LRBA: variants seen among roughly 807,000 people sequenced by gnomAD.
LRBA encodes lipopolysaccharide-responsive and beige-like anchor protein.
In LRBA, 176 loss-of-function variants were observed where a neutral mutation model predicts 330.0. The ratio of observed to expected loss-of-function variants is 0.53; its 90% CI spans 0.47 to 0.60. The LOEUF (loss-of-function observed/expected upper bound fraction) is 0.60. Among genes scored for constraint, LRBA ranks in the 20% least tolerant of loss-of-function variants. The probability of loss-of-function intolerance (pLI) is 0.00; values close to 1 mark genes in which losing one functional copy is unlikely to be tolerated. For missense variants in LRBA, 3,259 were observed against 3,444.8 expected (o/e 0.95, Z 1.35); for synonymous variants, 1,230 against 1,193.0 (o/e 1.03, Z -0.64).
At chr4:150,357,389 G>A (rs1446695273) in intron 47 of LRBA, among the ~76,000 whole-genome samples, 2 of 151,902 alleles carry the variant, frequency 1.3e-5, no homozygotes, top group East Asian at 3.8e-4. Flanking sequence ...CTCAACTGAA[G>A]TCTGTATTGC....
At chr4:150,448,458 T>C (rs1752881384) in intron 44 of LRBA, among the ~76,000 whole-genome samples, 1 of 152,108 alleles carries the variant, frequency 6.6e-6, no homozygotes. Context: ...TGGTACAAAC[T>C]GCTATAATTT....
At position 150,573,483 on chromosome 4, in the gene LRBA, A is replaced by G. The variant is rs571227622; in HGVS notation, c.6330+14565T>C. Among the ~76,000 whole-genome samples the G allele has an allele frequency of 5.9e-5, 9 of 152,316 alleles. No homozygotes were observed. In the East Asian group the frequency reaches 1.5e-3, roughly 26 times the overall value. On this transcript the variant is annotated intron_variant, in intron 40 of 56. Coordinates refer to ENST00000651943, the MANE Select transcript of LRBA (RefSeq NM_001364905.1). ...TGACCATAACACAGAAGTAAAAATA[A>G]CAATGCCCATTTAAGACCTATTTTA...
Position 150,686,920 on chromosome 4 carries a change from G to A in LRBA, c.5755-3203C>T, listed in dbSNP as rs145454784. 7.0e-3 allele frequency among the ~76,000 whole-genome samples: 1,061 copies of A among 152,116 alleles called. 6 individuals are homozygous for A. The highest frequency in any genetic ancestry group is 0.024 in the African/African-American group (997 of 41,536). ...CATAATTCTAAAAACAAGGGCTCAA[G>A]GTAAGCTAAACGGTAAAATGGTTTA... is the stretch of plus-strand genomic sequence containing the variant. On this transcript the variant is annotated intron_variant, in intron 36 of 56. Coordinates refer to ENST00000651943, the MANE Select transcript of LRBA (RefSeq NM_001364905.1).
chr4:150,588,019 G>GA (rs1772333971), intron 40 of LRBA, 29 bp downstream of exon 40: 7 of 1,602,584 alleles, frequency 4.4e-6, no homozygotes, highest in South Asian at 1.1e-5. Context: ...CCCATCATAA[G>GA]AAAAAATGAA....
At chr4:150,964,647 C>T (rs1032460008) in intron 2 of LRBA, among the ~76,000 whole-genome samples, 6 of 151,350 alleles carry the variant, frequency 4.0e-5, no homozygotes, top group Non-Finnish European at 7.4e-5. Flanking sequence ...GAGTCATCAC[C>T]ACTCCCTAAT....
chr4:150,972,910 G>A (rs184697908), intron 2 of LRBA, among the ~76,000 whole-genome samples: 52 of 152,254 alleles, frequency 3.4e-4, no homozygotes, highest in Admixed American at 9.2e-4. Flanking sequence ...TAAATTAATA[G>A]TCAGATCAAG....
intron 47 of LRBA, among the ~76,000 whole-genome samples, chr4:150,360,880 G>C (rs2151841899): frequency 1.3e-5 from 2 of 152,270 alleles, no homozygotes; most frequent in East Asian, 1.9e-4. Context: ...CTGAAAGACG[G>C]CATTATGACT....
chr4:150,894,868 A>G (rs1010325730), intron 16 of LRBA, among the ~76,000 whole-genome samples: 1 of 152,198 alleles, frequency 6.6e-6, no homozygotes, highest in African/African-American at 2.4e-5. Flanking sequence ...TTCAAATATT[A>G]TATTTGGTCA....
chr4:150,790,990 TA>T (rs1352895415), intron 34 of LRBA, among the ~76,000 whole-genome samples: 2 of 152,238 alleles, frequency 1.3e-5, no homozygotes, highest in East Asian at 3.9e-4. Flanking sequence ...ACTAATTTTT[TA>T]TAAGTACGTT....
chr4:150,953,951 G>C (rs1243954981), intron 2 of LRBA, among the ~76,000 whole-genome samples: 13 of 32,850 alleles, frequency 4.0e-4, no homozygotes, highest in East Asian at 1.2e-3. Flanking sequence ...CTTCTGGGAT[G>C]TGGGGAGCGC....
chr4:150,633,241 A>AACT (rs748950107), intron 37 of LRBA, among the ~76,000 whole-genome samples: 6 of 152,252 alleles, frequency 3.9e-5, no homozygotes, highest in African/African-American at 2.4e-5. Flanking sequence ...TAACAATAAA[A>AACT]AGAGAACCTA....
intron 34 of LRBA, among the ~76,000 whole-genome samples, chr4:150,793,813 T>A (rs1458408120): frequency 1.3e-5 from 2 of 152,318 alleles, no homozygotes; most frequent in Middle Eastern, 3.4e-3. Flanking sequence ...AGCTAACTGA[T>A]TCATTTTTTC....
At chr4:150,634,840 A>ACT (rs1777727316) in intron 37 of LRBA, among the ~76,000 whole-genome samples, 1 of 152,180 alleles carries the variant, frequency 6.6e-6, no homozygotes, top group East Asian at 1.9e-4. Context: ...AGGGACTTAA[A>ACT]ACAGAAGCCG....
intron 40 of LRBA, among the ~76,000 whole-genome samples, chr4:150,534,136 T>G (rs1386562486): frequency 6.6e-6 from 1 of 151,946 alleles, no homozygotes; most frequent in East Asian, 1.9e-4. Flanking sequence ...ATTAAATTGT[T>G]TCACTATAAA....
chr4:150,395,733 T>C (rs1489623146), intron 47 of LRBA, among the ~76,000 whole-genome samples: 9 of 152,216 alleles, frequency 5.9e-5, no homozygotes, highest in Non-Finnish European at 8.8e-5. Flanking sequence ...AAGAAACCTA[T>C]GCAATGGCCA....
At chr4:150,302,828 TA>T (rs1036570266) in intron 52 of LRBA, 36 bp from the exon 53 acceptor site, 3 of 1,482,152 alleles carry the variant, frequency 2.0e-6, no homozygotes, top group Non-Finnish European at 2.7e-6. Context: ...AAAATGCTAT[TA>T]AAAAAATAAA....
chr4:150,913,167 T>C (rs1732202993), intron 9 of LRBA, among the ~76,000 whole-genome samples: 1 of 152,206 alleles, frequency 6.6e-6, no homozygotes, highest in African/African-American at 2.4e-5. Context: ...ATGTTCTGTG[T>C]GTGCTTAAGA....
At chr4:150,714,185 G>A (rs1786511069) in intron 36 of LRBA, among the ~76,000 whole-genome samples, 1 of 152,148 alleles carries the variant, frequency 6.6e-6, no homozygotes, top group Non-Finnish European at 1.5e-5. Flanking sequence ...ATGTCTTACT[G>A]AATTCCCTTT....
At chr4:150,522,937 C>A (rs1326676678) in intron 40 of LRBA, among the ~76,000 whole-genome samples, 4 of 152,194 alleles carry the variant, frequency 2.6e-5, no homozygotes, top group Admixed American at 2.0e-4. Context: ...CCACCAAAGA[C>A]AGCACCCACT....
Sources: allele counts gnomAD v4.1 joint callset (sites outside exome capture counted in the v4.1 genomes callset), GRCh38; gene constraint gnomAD v4.1.1; transcripts MANE v1.5; gene names NCBI Gene and HGNC (gene_info 2026-07-23, HGNC 2026-07-21).